ATP6V0D2: variants seen among roughly 807,000 people sequenced by gnomAD.
The protein encoded by ATP6V0D2 is ATPase H+ transporting V0 subunit d2.
In ATP6V0D2, 40 loss-of-function variants were observed where a neutral mutation model predicts 40.0. The observed-to-expected ratio is 1.00, with a 90% CI of 0.78 to 1.30. ATP6V0D2 has a LOEUF of 1.30. Among genes scored for constraint, ATP6V0D2 ranks in the 50% most tolerant of loss-of-function variants. The probability of loss-of-function intolerance (pLI) is 0.00; values close to 1 mark genes in which losing one functional copy is unlikely to be tolerated. For synonymous variants in ATP6V0D2, 179 were observed against 156.3 expected (o/e 1.15, Z -1.08); for missense variants, 470 against 423.1 (o/e 1.11, Z -0.97).
chr8:86,151,335 A>T, intron 6 of ATP6V0D2, 131 bp from the exon 7 acceptor site: 3 of 682,254 alleles, frequency 4.4e-6, no homozygotes, highest in South Asian at 2.4e-5. Context: ...AAAATCCTAT[A>T]AAAAAACATT....
In ATP6V0D2 at chr8:86,152,956, C is replaced by T; in HGVS notation, c.1032C>T (p.Asn344=). Residue 344 remains asparagine (N), a synonymous_variant, in exon 8 of 8, where the codon AAC becomes AAT. Coordinates refer to ENST00000285393, the MANE Select transcript of ATP6V0D2 (RefSeq NM_152565.1). ...CISQRHRTKI[N]SYIPIL is the part of the protein sequence containing the mutation. ...CACAGAGGCATCGAACTAAAATCAA[C>T]AGTTACATTCCAATTTTATAACCCA... 6.2e-7 allele frequency: 1 copy of T among 1,601,942 alleles called. No individual in the cohort carries two copies. The highest frequency in any genetic ancestry group is 8.5e-7 in the Non-Finnish European group (1 of 1,176,002).
intron 2 of ATP6V0D2, among the ~76,000 whole-genome samples, chr8:86,127,469 T>A (rs79785629): frequency 7.2e-5 from 11 of 152,128 alleles, no homozygotes; most frequent in Non-Finnish European, 1.0e-4. Context: ...TTTTTTTTTT[T>A]AATTGAGACA....
chr8:86,113,507 G>T (rs994621065), intron 1 of ATP6V0D2, among the ~76,000 whole-genome samples: 1 of 152,032 alleles, frequency 6.6e-6, no homozygotes, highest in Non-Finnish European at 1.5e-5. Context: ...CACATTTTCT[G>T]GTGTGCTGGA....
intron 1 of ATP6V0D2, among the ~76,000 whole-genome samples, chr8:86,111,030 A>C (rs531561760): frequency 1.3e-5 from 2 of 152,158 alleles, no homozygotes; most frequent in African/African-American, 4.8e-5. Context: ...AATACAATAA[A>C]TTGTTATTTA....
At chr8:86,099,213 A>G (rs1818360749) in intron 1 of ATP6V0D2, 105 bp downstream of exon 1, 3 of 1,244,500 alleles carry the variant, frequency 2.4e-6, no homozygotes, top group Non-Finnish European at 3.2e-6. Flanking sequence ...ATGGTTTGAG[A>G]GTTCTGAGCA....
intron 2 of ATP6V0D2, among the ~76,000 whole-genome samples, chr8:86,117,291 A>G (rs895181284): frequency 1.3e-5 from 2 of 152,124 alleles, no homozygotes; most frequent in Non-Finnish European, 2.9e-5. Context: ...AAATAAACCC[A>G]CTTGTCTTTT....
At chr8:86,148,467 T>A (rs770583874) in intron 5 of ATP6V0D2, among the ~76,000 whole-genome samples, 28 of 152,196 alleles carry the variant, frequency 1.8e-4, no homozygotes, top group Non-Finnish European at 3.8e-4. Context: ...GGTTTTGTTA[T>A]AGGTTAACCA....
chr8:86,116,426 C>T (rs1015628931), intron 2 of ATP6V0D2, among the ~76,000 whole-genome samples: 4 of 151,960 alleles, frequency 2.6e-5, no homozygotes, highest in African/African-American at 9.7e-5. Context: ...TCACTTATTG[C>T]CCCGGCTGGT....
chr8:86,117,658 C>A (rs1818607410), intron 2 of ATP6V0D2, among the ~76,000 whole-genome samples: 1 of 152,172 alleles, frequency 6.6e-6, no homozygotes, highest in South Asian at 2.1e-4. Context: ...ATACATACAG[C>A]TAGTCAGGAG....
intron 4 of ATP6V0D2, among the ~76,000 whole-genome samples, chr8:86,141,832 A>G (rs981134800): frequency 1.3e-5 from 2 of 152,314 alleles, no homozygotes; most frequent in East Asian, 3.9e-4. Context: ...AATGGGGTGA[A>G]CAATATCAAT....
chr8:86,137,527 C>T (rs1376248610), intron 2 of ATP6V0D2, among the ~76,000 whole-genome samples: 2 of 152,282 alleles, frequency 1.3e-5, no homozygotes, highest in African/African-American at 4.8e-5. Context: ...CCAAATGTCT[C>T]GAATCGGCAG....
intron 2 of ATP6V0D2, among the ~76,000 whole-genome samples, chr8:86,137,778 C>T (rs986966686): frequency 6.6e-6 from 1 of 152,124 alleles, no homozygotes; most frequent in Non-Finnish European, 1.5e-5. Flanking sequence ...AAGCAGACTG[C>T]CTGAGTCTGA....
chr8:86,142,996 CT>C, intron 5 of ATP6V0D2, 42 bp downstream of exon 5: 1 of 1,378,438 alleles, frequency 7.3e-7, no homozygotes, highest in Non-Finnish European at 1.0e-6. Flanking sequence ...AAATAAGGTG[CT>C]TACATATTTT....
At chr8:86,142,852 C>A in intron 4 of ATP6V0D2, 25 bp from the exon 5 acceptor site, 1 of 1,430,232 alleles carries the variant, frequency 7.0e-7, no homozygotes, top group Non-Finnish European at 9.8e-7. Context: ...CATTATATCA[C>A]TTTATGATCT....
At chr8:86,147,424 T>C (rs2128930) in intron 5 of ATP6V0D2, among the ~76,000 whole-genome samples, 131,029 of 152,168 alleles carry the variant, frequency 0.86, 56,598 homozygotes, top group Middle Eastern at 0.91. Context: ...AGGAAAGTCA[T>C]GGGACTGCCA....
chr8:86,137,391 C>G (rs1010699881), intron 2 of ATP6V0D2, among the ~76,000 whole-genome samples: 2 of 152,120 alleles, frequency 1.3e-5, no homozygotes, highest in Admixed American at 6.6e-5. Context: ...CCTTCAAGGT[C>G]CTTAAAAGCT....
intron 2 of ATP6V0D2, among the ~76,000 whole-genome samples, chr8:86,133,334 T>TC (rs1450841530): frequency 1.4e-5 from 2 of 143,370 alleles, no homozygotes; most frequent in Non-Finnish European, 3.1e-5. Flanking sequence ...TTTTTTTTTT[T>TC]TTTTTTTGAG....
chr8:86,142,002 A>G (rs905659062), intron 4 of ATP6V0D2, among the ~76,000 whole-genome samples: 1 of 152,206 alleles, frequency 6.6e-6, no homozygotes, highest in African/African-American at 2.4e-5. Context: ...TGTACACTGC[A>G]TCATAGGTAC....
At position 86,153,216 on chromosome 8, in the gene ATP6V0D2, G is replaced by C. The variant is rs1819181996; in HGVS notation, c.*239G>C. On this transcript the variant is annotated 3_prime_UTR_variant, in exon 8 of 8. Transcript: ENST00000285393. ...TCTCATTCTTCACTGGGCCTTACAG[G>C]TTAGTTTTAATTAACTCTATGGTAT... The C allele has an allele frequency of 6.8e-6, 2 of 294,608 alleles. No individual in the cohort carries two copies. Among genetic ancestry groups the C allele is most frequent in the Non-Finnish European group, 1.2e-5 (2 of 161,968 alleles). The allele number at this position is 294,608 out of a possible 1,614,324, so 18.2% of individuals were successfully genotyped here. A position where few individuals can be genotyped will look rare whatever the true frequency, so the allele number is the denominator to read the frequency against.
Sources: allele counts gnomAD v4.1 joint callset (sites outside exome capture counted in the v4.1 genomes callset), GRCh38; gene constraint gnomAD v4.1.1; transcripts MANE v1.5; gene names NCBI Gene and HGNC (gene_info 2026-07-23, HGNC 2026-07-21).